HSD17B2: variants seen among roughly 807,000 people sequenced by gnomAD.
HSD17B2 encodes hydroxysteroid 17-beta dehydrogenase 2.
In HSD17B2, 32 loss-of-function variants were observed where a neutral mutation model predicts 26.9. The ratio of observed to expected loss-of-function variants is 1.19; its 90% CI spans 0.90 to 1.60. The LOEUF (loss-of-function observed/expected upper bound fraction) is 1.60. Ranked by LOEUF, HSD17B2 falls within the 40% of genes most tolerant of loss-of-function variation. The pLI is 0.00. For missense variants in HSD17B2, 613 were observed against 468.6 expected (o/e 1.31, Z -2.85); for synonymous variants, 246 against 186.7 (o/e 1.32, Z -2.59).
intron 3 of HSD17B2, among the ~76,000 whole-genome samples, chr16:82,086,155 C>T (rs528035632): frequency 6.6e-6 from 1 of 152,202 alleles, no homozygotes; most frequent in South Asian, 2.1e-4. Flanking sequence ...AAGAGGTGTT[C>T]AAACAAAAAC....
At position 82,098,210 on chromosome 16, in the gene HSD17B2, T is replaced by G; in HGVS notation, c.938T>G (p.Leu313Ter). Residue 313 changes from leucine to a stop codon, truncating the protein, a stop_gained, in exon 5 of 5, where the codon TTA becomes TGA. Coordinates refer to ENST00000199936, the MANE Select transcript of HSD17B2 (RefSeq NM_002153.3). LOFTEE classifies it low-confidence loss of function (END_TRUNC). ...QRNFLLLINS[L>*]ASKDFSPVLR... ...AATTTCCTCCTATTGATCAACTCGT[T>G]AGCCAGCAAGGACTTCTCTCCGGTG... 2 of 1,614,154 alleles carry G rather than the reference T, an allele frequency of 1.2e-6. No individual in the cohort carries two copies. Among genetic ancestry groups the G allele is most frequent in the East Asian group, 4.5e-5 (2 of 44,872 alleles).
At position 82,035,637 on chromosome 16, in the gene HSD17B2, C is replaced by G. The variant is rs926991669; in HGVS notation, c.213C>G (p.Tyr71Ter). The G allele has an allele frequency of 6.2e-7, 1 of 1,613,830 alleles. No homozygotes were observed. The highest frequency in any genetic ancestry group is 1.7e-5 in the Admixed American group (1 of 60,000). Residue 71 changes from tyrosine (Y) to a stop codon, truncating the protein, a stop_gained, in exon 1 of 5, where the codon TAC (tyrosine) becomes TAG (stop). Transcript: ENST00000199936. LOFTEE classifies it high-confidence loss of function. ...TGTCATGCTTCCTCATGTATACTTACTTATCTGGCCAAGAATTGTTACCTG... is the reference window on the plus strand; with the variant it reads ...TGTCATGCTTCCTCATGTATACTTAGTTATCTGGCCAAGAATTGTTACCTG... ...FSVSCFLMYTYLSGQELLPVD... is the reference protein window; with the variant it reads ...FSVSCFLMYT
intron 3 of HSD17B2, among the ~76,000 whole-genome samples, chr16:82,075,183 G>C (rs188336767): frequency 1.9e-3 from 289 of 152,180 alleles, no homozygotes; most frequent in African/African-American, 6.7e-3. Flanking sequence ...AAACCCATGG[G>C]ATGTGGTGAA....
intron 3 of HSD17B2, among the ~76,000 whole-genome samples, chr16:82,077,471 T>C (rs933047343): frequency 6.6e-6 from 1 of 152,178 alleles, no homozygotes; most frequent in Non-Finnish European, 1.5e-5. Flanking sequence ...CTGTGGCTCA[T>C]GCCTGTAATC....
At chr16:82,048,729 A>G (rs1170318613) in intron 1 of HSD17B2, among the ~76,000 whole-genome samples, 3 of 152,220 alleles carry the variant, frequency 2.0e-5, no homozygotes, top group Non-Finnish European at 4.4e-5. Flanking sequence ...GGCTAATATG[A>G]CATGTTATTG....
At chr16:82,037,956 T>A (rs1360256591) in intron 1 of HSD17B2, among the ~76,000 whole-genome samples, 1 of 152,186 alleles carries the variant, frequency 6.6e-6, no homozygotes, top group African/African-American at 2.4e-5. Context: ...ATAAAGGAAA[T>A]AGTTGGTTAA....
In HSD17B2 at chr16:82,035,846, G is replaced by A. The variant is rs1013824476; in HGVS notation, c.265+157G>A. On this transcript the variant is annotated intron_variant, in intron 1 of 4. Transcript: ENST00000199936. The stretch of plus-strand genomic sequence containing the variant: ...TTTTTCATGACACTGTTTTCGTTCC[G>A]TTTTTTCCAGGAGGTGCATTTGAAG... Among the ~76,000 whole-genome samples, 4 of 152,066 alleles carry A rather than the reference G, an allele frequency of 2.6e-5. No homozygotes were observed. In the East Asian group the frequency reaches 5.8e-4, roughly 22 times the overall value.
chr16:82,073,448 T>A (rs1337483814), intron 3 of HSD17B2, among the ~76,000 whole-genome samples: 1 of 151,980 alleles, frequency 6.6e-6, no homozygotes, highest in Non-Finnish European at 1.5e-5. Context: ...AAGATCTCGA[T>A]CTCCCGACCT....
intron 1 of HSD17B2, among the ~76,000 whole-genome samples, chr16:82,043,847 G>A (rs1452901219): frequency 6.6e-6 from 1 of 152,138 alleles, no homozygotes; most frequent in Non-Finnish European, 1.5e-5. Flanking sequence ...ATTGGTGGAA[G>A]TTATTTCATT....
chr16:82,087,829 G>A (rs1242980368), intron 3 of HSD17B2, among the ~76,000 whole-genome samples: 1 of 152,132 alleles, frequency 6.6e-6, no homozygotes, highest in Non-Finnish European at 1.5e-5. Flanking sequence ...AAGGGCAAGA[G>A]AGAGGGAGAA....
At chr16:82,037,180 G>C (rs942885719) in intron 1 of HSD17B2, among the ~76,000 whole-genome samples, 2 of 152,180 alleles carry the variant, frequency 1.3e-5, no homozygotes, top group Admixed American at 1.3e-4. Flanking sequence ...TGCATGAAAT[G>C]CTTATGGCAA....
At chr16:82,051,591 G>C (rs1914108549) in intron 1 of HSD17B2, among the ~76,000 whole-genome samples, 1 of 152,000 alleles carries the variant, frequency 6.6e-6, no homozygotes, top group South Asian at 2.1e-4. Context: ...TGAGGGGAGG[G>C]GAAGTATCAG....
At chr16:82,094,243 T>C (rs1904773777) in intron 4 of HSD17B2, 1 of 152,168 alleles carries the variant, frequency 6.6e-6, no homozygotes. Context: ...CAAGATGGAG[T>C]TACTCTTGTT....
At chr16:82,054,488 G>A (rs1719158638) in intron 1 of HSD17B2, among the ~76,000 whole-genome samples, 1 of 152,128 alleles carries the variant, frequency 6.6e-6, no homozygotes. Context: ...GGGACTACAG[G>A]TGTGTGCCAC....
chr16:82,076,810 C>G (rs971427774), intron 3 of HSD17B2, among the ~76,000 whole-genome samples: 4 of 152,140 alleles, frequency 2.6e-5, no homozygotes, highest in African/African-American at 9.7e-5. Context: ...GATCTCTTGA[C>G]TTTGTGATTT....
At chr16:82,081,314 T>A (rs1904373894) in intron 3 of HSD17B2, among the ~76,000 whole-genome samples, 1 of 152,208 alleles carries the variant, frequency 6.6e-6, no homozygotes, top group Admixed American at 6.5e-5. Context: ...TCTCTCCTTC[T>A]GTTGTCACTC....
chr16:82,068,411 T>A (rs1477478649), intron 2 of HSD17B2, 29 bp downstream of exon 2: 1 of 1,568,288 alleles, frequency 6.4e-7, no homozygotes, highest in Admixed American at 1.8e-5. Context: ...TCAGTGCCTT[T>A]ACCCTCCTCC....
At position 82,070,971 on chromosome 16, in the gene HSD17B2, G is replaced by A. The variant is rs780106425; in HGVS notation, c.508G>A (p.Val170Met). Residue 170 changes from valine to methionine, a missense_variant, in exon 3 of 5, where the codon GTG becomes ATG. By Grantham distance (21) the Val-to-Met change is conservative (BLOSUM62 1). Transcript: ENST00000199936. ...GTGGGCTGTGATCAACAATGCTGGG[G>A]TGCTTGGCTTTCCAACTGATGGGGA... ...GLWAVINNAG[V>M]LGFPTDGELL... 6.2e-7 allele frequency: 1 copy of A among 1,614,166 alleles called. No individual in the cohort carries two copies. The highest frequency in any genetic ancestry group is 8.5e-7 in the Non-Finnish European group (1 of 1,179,986).
chr16:82,057,703 C>T (rs556063843), intron 1 of HSD17B2, among the ~76,000 whole-genome samples: 2 of 152,302 alleles, frequency 1.3e-5, no homozygotes, highest in East Asian at 3.9e-4. Flanking sequence ...GATGAAATGG[C>T]ATTTTACCTC....
Sources: gnomAD v4.1 joint callset for allele counts (sites outside exome capture counted in the v4.1 genomes callset) on GRCh38, gnomAD v4.1.1 for gene constraint, MANE v1.5 for transcripts, NCBI Gene and HGNC (gene_info 2026-07-23, HGNC 2026-07-21) for gene names.